Variants in UNKL observed in about 807,000 individuals in gnomAD.
UNKL encodes putative E3 ubiquitin-protein ligase UNKL.
In UNKL, 60 loss-of-function variants were observed where a neutral mutation model predicts 78.0. That is an observed-to-expected ratio of 0.77 (90% CI 0.63 to 0.95). UNKL has a LOEUF of 0.95. UNKL is among the 40% of genes least tolerant of loss of function. UNKL has a pLI of 0.00. For synonymous variants in UNKL, 608 were observed against 474.8 expected, an observed-to-expected ratio of 1.28 and a Z score of -3.65; for missense variants, 1,159 against 1,045.7, an observed-to-expected ratio of 1.11 and a Z score of -1.49.
chr16:1,378,654 C>T (rs2142044937), intron 10 of UNKL, among the ~76,000 whole-genome samples: 1 of 152,348 alleles, frequency 6.6e-6, no homozygotes, highest in South Asian at 2.1e-4. Flanking sequence ...CCACCACCTA[C>T]CTCAGCCAAG....
At position 1,409,691 on chromosome 16, in the gene UNKL, G is replaced by A. The variant is rs150119209; in HGVS notation, c.287+4155C>T. Among the ~76,000 whole-genome samples, 185 of 152,070 alleles carry A rather than the reference G, an allele frequency of 1.2e-3. 5 individuals are homozygous for A. In the East Asian group the frequency reaches 0.027, roughly 23 times the overall value. ...TTGAAGTGACCACCTAGAGGCAGGCGCTTACTACAGCACTGTCCATCCCTG... is the reference window on the plus strand; with the variant it reads ...TTGAAGTGACCACCTAGAGGCAGGCACTTACTACAGCACTGTCCATCCCTG... On this transcript the variant is annotated intron_variant, in intron 2 of 14. Transcript: ENST00000389221.
chr16:1,401,344 G>A (rs112583093), intron 4 of UNKL: 192 of 456,346 alleles, frequency 4.2e-4, no homozygotes, highest in African/African-American at 2.7e-3. Flanking sequence ...GCCAGTTGCC[G>A]CAGAGATTCA....
chr16:1,396,627 T>C (rs899896329), intron 6 of UNKL, among the ~76,000 whole-genome samples: 2 of 151,996 alleles, frequency 1.3e-5, no homozygotes, highest in African/African-American at 4.8e-5. Flanking sequence ...AGAGTCTTGC[T>C]CTGTTGCCCA....
At chr16:1,412,058 C>T (rs1445707259) in intron 2 of UNKL, 1 of 152,188 alleles carries the variant, frequency 6.6e-6, no homozygotes, top group Non-Finnish European at 1.5e-5. Flanking sequence ...GACTTCAAGA[C>T]CGCAACTGCT....
At chr16:1,381,351 G>A (rs1489083171) in intron 10 of UNKL, among the ~76,000 whole-genome samples, 1 of 152,244 alleles carries the variant, frequency 6.6e-6, no homozygotes. Flanking sequence ...CGGGTGTGGT[G>A]GCTCACGCCT....
chr16:1,367,783 C>T lies in UNKL; in HGVS notation c.1661G>A (p.Ser554Asn). The change falls in exon 13 of 15, where the codon AGT (serine) becomes AAT (asparagine). Residue 554 changes from serine to asparagine, a missense_variant. Physicochemically the swap from Ser to Asn is conservative, Grantham distance 46. Transcript: ENST00000389221. Reference sequence around the variant, plus strand: ...ACTCGAAGAGGATGGGGGGCCGGCACTCAGGATGGGGGAGGGGCTGGGGGA... The same window carrying T: ...ACTCGAAGAGGATGGGGGGCCGGCATTCAGGATGGGGGAGGGGCTGGGGGA... ...SFSPSPSPIL[S>N]AGPPSSSSAS... The T allele has an allele frequency of 1.3e-6, 2 of 1,574,218 alleles. 1 individual carries two copies. The highest frequency in any genetic ancestry group is 1.7e-6 in the Non-Finnish European group (2 of 1,160,410).
chr16:1,369,820 C>G (rs773971809), intron 12 of UNKL: 3 of 894,038 alleles, frequency 3.4e-6, no homozygotes, highest in Non-Finnish European at 3.4e-6. Flanking sequence ...ACTAAAAATA[C>G]AAAAACTAGC....
chr16:1,401,523 G>GGGGGGCCCCC, intron 4 of UNKL, 45 bp downstream of exon 4: 6 of 1,470,290 alleles, frequency 4.1e-6, no homozygotes, highest in African/African-American at 3.0e-5. Flanking sequence ...CTCGCGCTGT[G>GGGGGGCCCCC]CCCGCCCCCC....
At chr16:1,385,544 C>A in intron 9 of UNKL, 159 bp from the exon 10 acceptor site, 1 of 667,464 alleles carries the variant, frequency 1.5e-6, no homozygotes, top group East Asian at 3.5e-5. Flanking sequence ...TCTGACCGCA[C>A]CGAGGAGAAA....
intron 10 of UNKL, 126 bp from the exon 11 acceptor site, chr16:1,371,737 G>T: frequency 2.0e-6 from 2 of 984,584 alleles, no homozygotes; most frequent in Non-Finnish European, 2.9e-6. Context: ...CGTGGGAGTT[G>T]CTGGGGCAGC....
At chr16:1,386,752 C>T (rs2036831257) in intron 9 of UNKL, among the ~76,000 whole-genome samples, 1 of 152,156 alleles carries the variant, frequency 6.6e-6, no homozygotes, top group Non-Finnish European at 1.5e-5. Context: ...ACGCGCCTGG[C>T]TCCTGGCTTC....
At position 1,371,538 on chromosome 16, in the gene UNKL, G is replaced by C. The variant is rs1422528843; in HGVS notation, c.1338C>G (p.Gly446=). 1 of 1,536,174 alleles carries C rather than the reference G, an allele frequency of 6.5e-7. No homozygotes were observed. The highest frequency in any genetic ancestry group is 8.7e-7 in the Non-Finnish European group (1 of 1,146,912). The change falls in exon 11 of 15, where the codon GGC becomes GGG. Residue 446 remains glycine, a synonymous_variant. Coordinates refer to ENST00000389221, the MANE Select transcript of UNKL (RefSeq NM_001372107.1). ...CCTCACCTGCTGCTCCCAGGTCGTG[G>C]CCGTCTTGCTCTTCCAGGTCCTTCT... ...SLEKDLEEQD[G]HDLGAAGPRS...
intron 9 of UNKL, 172 bp from the exon 10 acceptor site, chr16:1,385,557 C>T: frequency 1.8e-6 from 1 of 567,508 alleles, no homozygotes. Flanking sequence ...AGGAGAAACA[C>T]CAGGACGGCA....
chr16:1,383,733 C>T (rs1483557639), intron 10 of UNKL: 11 of 402,344 alleles, frequency 2.7e-5, no homozygotes, highest in East Asian at 7.4e-5. Flanking sequence ...GTCTGGCCGC[C>T]GGGCCGCCGC....
Position 1,390,683 on chromosome 16 carries a change from T to C in UNKL, c.1035A>G (p.Arg345=). Residue 345 remains arginine (R), a synonymous_variant, in exon 9 of 15, where the codon AGA becomes AGG. Transcript: ENST00000389221. Reference sequence around the variant, plus strand: ...TAGGGCCACCCTCGGCCGGCGAGTCTCTCCGCTTGGCCTGCAACATAAAAA... The same window carrying C: ...TAGGGCCACCCTCGGCCGGCGAGTCCCTCCGCTTGGCCTGCAACATAAAAA... ...GSGQPGNAKR[R]DSPAEGGPRG... 2.0e-6 allele frequency: 3 copies of C among 1,535,902 alleles called. No homozygotes were observed. Among genetic ancestry groups the C allele is most frequent in the Non-Finnish European group, 2.6e-6 (3 of 1,146,846 alleles).
intron 9 of UNKL, among the ~76,000 whole-genome samples, chr16:1,385,995 A>G (rs1007932265): frequency 1.6e-4 from 25 of 152,282 alleles, no homozygotes; most frequent in Non-Finnish European, 1.2e-4. Flanking sequence ...CAACACACAG[A>G]GCAGTGCTGA....
intron 2 of UNKL, among the ~76,000 whole-genome samples, chr16:1,405,599 A>G (rs2037720548): frequency 6.6e-6 from 1 of 151,974 alleles, no homozygotes; most frequent in African/African-American, 2.4e-5. Context: ...GAAACTGGAA[A>G]AAGTTTTAAG....
intron 6 of UNKL, chr16:1,395,570 G>A: frequency 2.4e-6 from 1 of 409,762 alleles, no homozygotes; most frequent in Admixed American, 2.5e-5. Flanking sequence ...TCTAGTGGAG[G>A]CACAGGCCTG....
At chr16:1,402,687 G>A (rs1267819288) in intron 3 of UNKL, among the ~76,000 whole-genome samples, 1 of 144,330 alleles carries the variant, frequency 6.9e-6, no homozygotes, top group Non-Finnish European at 1.5e-5. Context: ...GAAAAGAAAA[G>A]AAAGAAATAA....
Sources: gnomAD v4.1 joint callset for allele counts (sites outside exome capture counted in the v4.1 genomes callset) on GRCh38, gnomAD v4.1.1 for gene constraint, MANE v1.5 for transcripts, NCBI Gene and HGNC (gene_info 2026-07-23, HGNC 2026-07-21) for gene names.